Variants in FAS observed in about 807,000 individuals in gnomAD.
FAS encodes the protein tumor necrosis factor receptor superfamily member 6.
A neutral mutation model predicts 33.2 loss-of-function variants in FAS; 5 were observed. The observed-to-expected ratio is 0.15, with a 90% confidence interval of 0.08 to 0.32. The LOEUF (loss-of-function observed/expected upper bound fraction) is 0.32. Ranked by LOEUF, FAS falls within the 10% of genes least tolerant of loss-of-function variation. FAS has a pLI of 1.00. For synonymous variants in FAS, 131 were observed against 130.7 expected (o/e 1.00, Z -0.01); for missense variants, 339 against 386.0 (o/e 0.88, Z 1.02).
In FAS at chr10:89,010,811, T is replaced by C. The variant is rs1848493403; in HGVS notation, c.564T>C (p.Val188=). 5 of 1,614,038 alleles carry C rather than the reference T, an allele frequency of 3.1e-6. No homozygotes were observed. The highest frequency in any genetic ancestry group is 4.2e-6 in the Non-Finnish European group (5 of 1,179,974). ...TTCTTTTGCCAATTCCACTAATTGT[T>C]TGGGGTAAGTTCTTGCTTTGTTCAA... ...CLLLLPIPLI[V]WVKRKEVQKT... The change falls in exon 6 of 9, where the codon GTT becomes GTC. Residue 188 remains valine, a synonymous_variant. Coordinates refer to ENST00000652046, the MANE Select transcript of FAS (RefSeq NM_000043.6).
In FAS at chr10:89,010,802, A is replaced by T; in HGVS notation, c.555A>T (p.Pro185=). The change falls in exon 6 of 9, where the codon CCA becomes CCT. Residue 185 remains proline (P), a synonymous_variant. Transcript: ENST00000652046. ...GWLCLLLLPI[P]LIVWVKRKEV... ...TTTGTCTTCTTCTTTTGCCAATTCC[A>T]CTAATTGTTTGGGGTAAGTTCTTGC... The T allele has an allele frequency of 6.2e-7, 1 of 1,614,038 alleles. No individual in the cohort carries two copies. The highest frequency in any genetic ancestry group is 1.7e-4 in the Middle Eastern group (1 of 6,060).
intron 7 of FAS, 120 bp from the exon 8 acceptor site, chr10:89,013,223 T>C (rs1427248548): frequency 8.9e-6 from 8 of 896,702 alleles, no homozygotes; most frequent in Non-Finnish European, 1.4e-5. Context: ...CCTAATTTTA[T>C]ACATCAAGCA....
chr10:88,991,295 G>A (rs1297641719), intron 1 of FAS: 3 of 402,454 alleles, frequency 7.5e-6, no homozygotes, highest in Admixed American at 3.9e-5. Context: ...GTTGGAGAGA[G>A]GAGCGGAACT....
intron 1 of FAS, chr10:88,991,155 C>A: frequency 3.4e-6 from 2 of 596,156 alleles, no homozygotes; most frequent in Non-Finnish European, 6.0e-6. Context: ...GTGCTGACCC[C>A]GCTGGGCAGG....
chr10:88,978,318 G>A (rs928187851), intron 2 of FAS, among the ~76,000 whole-genome samples: 4 of 149,322 alleles, frequency 2.7e-5, no homozygotes, highest in Admixed American at 6.7e-5. Context: ...GTTAGTGGGT[G>A]CAGCGCACCA....
rs889719856 is a variant in FAS at position 89,016,961 on chromosome 10, C to T, written c.*2511C>T. 1 of 184,892 alleles carries T rather than the reference C, an allele frequency of 5.4e-6. No individual in the cohort carries two copies. The highest frequency in any genetic ancestry group is 6.2e-5 in the Admixed American group (1 of 16,054). The allele number at this position is 184,892 out of a possible 1,614,324, so 11.5% of individuals were successfully genotyped here. On this transcript the variant is annotated 3_prime_UTR_variant, in exon 9 of 9. Transcript: ENST00000652046. ...ATGAAATTTAGAATTTTTTTCTATGCTTACTCCTGATTGGTAATTTGTTTG... is the reference window on the plus strand; with the variant it reads ...ATGAAATTTAGAATTTTTTTCTATGTTTACTCCTGATTGGTAATTTGTTTG...
At chr10:89,009,045 G>A in intron 4 of FAS, 48 bp downstream of exon 4, 1 of 1,480,282 alleles carries the variant, frequency 6.8e-7, no homozygotes, top group South Asian at 1.1e-5. Flanking sequence ...TAACATGAGA[G>A]TTATCATTTT....
chr10:89,006,796 G>A (rs1240232682), intron 2 of FAS, among the ~76,000 whole-genome samples: 1 of 152,058 alleles, frequency 6.6e-6, no homozygotes, highest in Non-Finnish European at 1.5e-5. Context: ...GACTCAATAG[G>A]CATTTAATAA....
chr10:88,983,632 A>C (rs796251787), upstream of FAS, among the ~76,000 whole-genome samples: 48 of 142,808 alleles, frequency 3.4e-4, no homozygotes, highest in South Asian at 1.1e-3. Flanking sequence ...AAAAAAAAAA[A>C]AAAAAAACAC....
chr10:89,008,816 C>T (rs1848377914), intron 3 of FAS, 73 bp from the exon 4 acceptor site: 4 of 1,389,728 alleles, frequency 2.9e-6, no homozygotes, highest in Non-Finnish European at 4.1e-6. Flanking sequence ...ATCCATGCAG[C>T]TCCTGCCCAC....
chr10:88,993,249 CAG>C (rs1847370256), intron 1 of FAS, among the ~76,000 whole-genome samples: 1 of 151,444 alleles, frequency 6.6e-6, no homozygotes, highest in Non-Finnish European at 1.5e-5. Context: ...CTAAAGGAGA[CAG>C]AAAAAGAGTC....
At chr10:88,971,666 T>G (rs1589416622) in intron 1 of FAS, among the ~76,000 whole-genome samples, 1 of 152,238 alleles carries the variant, frequency 6.6e-6, no homozygotes, top group African/African-American at 2.4e-5. Context: ...GCTATCTTTT[T>G]GTAACTAATA....
chr10:89,011,661 G>C (rs1031789075), intron 6 of FAS, among the ~76,000 whole-genome samples: 5 of 152,184 alleles, frequency 3.3e-5, no homozygotes, highest in Non-Finnish European at 1.5e-5. Flanking sequence ...ATGTTGACTT[G>C]CTTGTCCTAC....
intron 1 of FAS, among the ~76,000 whole-genome samples, chr10:88,970,626 C>T (rs567545892): frequency 6.6e-6 from 1 of 152,238 alleles, no homozygotes; most frequent in Non-Finnish European, 1.5e-5. Context: ...CCCCATTTAT[C>T]CTTACAATAG....
At chr10:88,980,007 A>G (rs1846670052) in intron 2 of FAS, among the ~76,000 whole-genome samples, 1 of 152,240 alleles carries the variant, frequency 6.6e-6, no homozygotes, top group Admixed American at 6.5e-5. Context: ...CTAATTTGCA[A>G]AGTCTGTAGT....
At chr10:88,998,104 G>T (rs1847705570) in intron 1 of FAS, among the ~76,000 whole-genome samples, 1 of 152,088 alleles carries the variant, frequency 6.6e-6, no homozygotes, top group Non-Finnish European at 1.5e-5. Context: ...AAATTCTTAG[G>T]ACTGCCAACT....
chr10:88,975,333 G>T (rs1846536802), intron 2 of FAS, among the ~76,000 whole-genome samples: 1 of 152,208 alleles, frequency 6.6e-6, no homozygotes, highest in South Asian at 2.1e-4. Context: ...GCATTTGAAT[G>T]AGGTATTAGC....
At chr10:88,996,839 TCCCAAGCCC>T (rs567068951) in intron 1 of FAS, among the ~76,000 whole-genome samples, 4 of 152,294 alleles carry the variant, frequency 2.6e-5, no homozygotes, top group South Asian at 4.1e-4. Flanking sequence ...GCAGAGCTGG[TCCCAAGCCC>T]CTCCCTCTCT....
At chr10:89,012,383 G>A in intron 7 of FAS, 2 of 323,908 alleles carry the variant, frequency 6.2e-6, no homozygotes, top group South Asian at 2.8e-5. Context: ...TCACTTTGTT[G>A]CCCAGGCTGG....
Sources: gnomAD v4.1 joint callset for allele counts (sites outside exome capture counted in the v4.1 genomes callset) on GRCh38, gnomAD v4.1.1 for gene constraint, MANE v1.5 for transcripts, NCBI Gene and HGNC (gene_info 2026-07-23, HGNC 2026-07-21) for gene names.